Variants in COL25A1 observed in about 807,000 individuals in gnomAD.
COL25A1 encodes the protein collagen type XXV alpha 1 chain, also known as collagen alpha-1(XXV) chain.
In COL25A1, 103 loss-of-function variants were observed where a neutral mutation model predicts 128.4. That is an observed-to-expected ratio of 0.80 (90% CI 0.68 to 0.94). The LOEUF (loss-of-function observed/expected upper bound fraction) is 0.94. COL25A1 is among the 40% of genes least tolerant of loss of function. The probability of loss-of-function intolerance (pLI) is 0.00; values close to 1 mark genes in which losing one functional copy is unlikely to be tolerated. For synonymous variants in COL25A1, 279 were observed against 277.2 expected, an observed-to-expected ratio of 1.01 and a Z score of -0.06; for missense variants, 745 against 840.0, an observed-to-expected ratio of 0.89 and a Z score of 1.40.
In COL25A1 at chr4:108,818,353, C is replaced by T. The variant is rs539630923; in HGVS notation, c.1923+899G>A. On this transcript the variant is annotated intron_variant, in intron 36 of 37. Coordinates refer to ENST00000399132, the MANE Select transcript of COL25A1 (RefSeq NM_198721.4). ...ATAAATTTATCTTTAAAGAATCATG[C>T]TTATACCTGAAGAATAATATAAGAA... Among the ~76,000 whole-genome samples the T allele has an allele frequency of 4.6e-5, 7 of 152,138 alleles. No individual in the cohort carries two copies. In the East Asian group the frequency reaches 1.4e-3, roughly 29 times the overall value.
At position 108,837,213 on chromosome 4, in the gene COL25A1, A is replaced by C. The variant is rs146117454; in HGVS notation, c.1656+4482T>G. ...CTATCAACTAGCGTGAAGTATAATA[A>C]CCATGGCAAAAATGAAAAAGTGGTC... On this transcript the variant is annotated intron_variant, in intron 31 of 37. Transcript: ENST00000399132. Among the ~76,000 whole-genome samples the C allele has an allele frequency of 7.6e-3, 1,162 of 152,352 alleles. 4 individuals are homozygous for C. The highest frequency in any genetic ancestry group is 0.024 in the Middle Eastern group (7 of 294).
intron 11 of COL25A1, among the ~76,000 whole-genome samples, chr4:108,926,358 T>C (rs1746059619): frequency 6.6e-6 from 1 of 152,122 alleles, no homozygotes; most frequent in Non-Finnish European, 1.5e-5. Context: ...AACTAGCTTC[T>C]GTAATAAAAA....
rs141397897 is a variant in COL25A1, at chr4:109,280,927, G to A, written c.367+19656C>T. Among the ~76,000 whole-genome samples, 492 of 152,052 alleles carry A rather than the reference G, an allele frequency of 3.2e-3. 9 individuals are homozygous for A. Among genetic ancestry groups the A allele is most frequent in the African/African-American group, 0.011 (444 of 41,486 alleles). ...CCCAAAGTGGCTGAAATACTTAATG[G>A]TAAAGTGTCATAATATCTACAACTT... is the stretch of plus-strand genomic sequence containing the variant. On this transcript the variant is annotated intron_variant, in intron 3 of 37. Transcript: ENST00000399132.
At chr4:109,246,930 T>C (rs187924441) in intron 3 of COL25A1, among the ~76,000 whole-genome samples, 1 of 152,248 alleles carries the variant, frequency 6.6e-6, no homozygotes, top group East Asian at 1.9e-4. Flanking sequence ...TATTTCTATA[T>C]AGGAAACTTA....
intron 3 of COL25A1, among the ~76,000 whole-genome samples, chr4:109,088,228 A>G (rs1411369305): frequency 6.6e-6 from 1 of 152,106 alleles, no homozygotes; most frequent in East Asian, 1.9e-4. Context: ...TGTCAAAAAC[A>G]TCTTTAATTT....
At chr4:108,824,075 GA>G (rs1272997816) in intron 35 of COL25A1, 98 bp downstream of exon 35, 1 of 1,613,574 alleles carries the variant, frequency 6.2e-7, no homozygotes, top group African/African-American at 1.3e-5. Context: ...GCACAGGATG[GA>G]GAAAGATTAA....
intron 5 of COL25A1, among the ~76,000 whole-genome samples, chr4:109,013,524 A>G (rs894889138): frequency 6.0e-5 from 4 of 66,464 alleles, no homozygotes; most frequent in African/African-American, 5.1e-4. Context: ...TTTGCAATAA[A>G]TCTTGCTGCT....
intron 8 of COL25A1, among the ~76,000 whole-genome samples, chr4:108,947,172 G>T (rs570344746): frequency 2.0e-5 from 3 of 152,034 alleles, no homozygotes; most frequent in Admixed American, 6.6e-5. Context: ...GGCTGGGCGC[G>T]GTGGCTCATG....
chr4:108,830,354 G>A (rs1022336916), intron 32 of COL25A1, among the ~76,000 whole-genome samples: 23 of 152,208 alleles, frequency 1.5e-4, no homozygotes, highest in Non-Finnish European at 2.9e-5. Context: ...GCTGTCAAAT[G>A]TGTGGTTTCT....
chr4:108,909,978 C>T (rs1165683412), intron 13 of COL25A1, among the ~76,000 whole-genome samples: 1 of 152,182 alleles, frequency 6.6e-6, no homozygotes, highest in Non-Finnish European at 1.5e-5. Context: ...TAGCGGTGCA[C>T]GTGCCAGCAG....
chr4:109,066,285 A>G (rs1762442391), intron 3 of COL25A1, among the ~76,000 whole-genome samples: 1 of 152,168 alleles, frequency 6.6e-6, no homozygotes, highest in Non-Finnish European at 1.5e-5. Context: ...ATACCTGACC[A>G]TCTTAGTCCC....
chr4:109,178,835 CAAAAAAAA>C (rs34132262), intron 3 of COL25A1, among the ~76,000 whole-genome samples: 6 of 47,544 alleles, frequency 1.3e-4, no homozygotes, highest in African/African-American at 5.6e-4. Flanking sequence ...ACTCCATCTC[CAAAAAAAA>C]AAAAAAAAAA....
intron 11 of COL25A1, among the ~76,000 whole-genome samples, chr4:108,925,483 T>C (rs1183943648): frequency 6.6e-6 from 1 of 152,092 alleles, no homozygotes; most frequent in African/African-American, 2.4e-5. Flanking sequence ...GTTGGGCACA[T>C]GCTAAGTGTG....
At chr4:109,131,824 C>T (rs112595881) in intron 3 of COL25A1, among the ~76,000 whole-genome samples, 8 of 152,146 alleles carry the variant, frequency 5.3e-5, no homozygotes, top group African/African-American at 1.7e-4. Context: ...TGAGAAACCC[C>T]GCAGTGCCAA....
At chr4:108,979,572 T>TG (rs1192154413) in intron 6 of COL25A1, among the ~76,000 whole-genome samples, 1 of 151,992 alleles carries the variant, frequency 6.6e-6, no homozygotes, top group Non-Finnish European at 1.5e-5. Context: ...TAGAAAAAAG[T>TG]GGAAAAGGAG....
chr4:108,861,448 GGCT>G (rs1737213176), intron 22 of COL25A1, among the ~76,000 whole-genome samples: 1 of 152,200 alleles, frequency 6.6e-6, no homozygotes, highest in Non-Finnish European at 1.5e-5. Context: ...GAAGGTCACA[GGCT>G]AGGCCTCCCT....
chr4:108,901,533 T>C (rs1359247531), intron 13 of COL25A1, among the ~76,000 whole-genome samples: 1 of 152,086 alleles, frequency 6.6e-6, no homozygotes. Flanking sequence ...TTTTAAGTGA[T>C]TCATCAGCTC....
At chr4:109,005,628 A>C (rs994259951) in intron 6 of COL25A1, among the ~76,000 whole-genome samples, 3 of 152,176 alleles carry the variant, frequency 2.0e-5, no homozygotes, top group African/African-American at 7.2e-5. Context: ...GTCTTAATGA[A>C]AAATCCATTG....
At chr4:109,239,184 T>G (rs1468995025) in intron 3 of COL25A1, among the ~76,000 whole-genome samples, 2 of 151,756 alleles carry the variant, frequency 1.3e-5, no homozygotes, top group Non-Finnish European at 2.9e-5. Context: ...CATTAGGCAA[T>G]TTTGTCATTG....
Sources: gnomAD v4.1 joint callset for allele counts (sites outside exome capture counted in the v4.1 genomes callset) on GRCh38, gnomAD v4.1.1 for gene constraint, MANE v1.5 for transcripts, NCBI Gene and HGNC (gene_info 2026-07-23, HGNC 2026-07-21) for gene names.